VWA3B: variants seen among roughly 807,000 people sequenced by gnomAD.
VWA3B encodes von Willebrand factor A domain-containing protein 3B.
Under a neutral mutation model 158.3 loss-of-function variants are expected in VWA3B, and 138 were observed. The ratio of observed to expected loss-of-function variants is 0.87; its 90% CI spans 0.76 to 1.00. The LOEUF (loss-of-function observed/expected upper bound fraction) is 1.00. Ranked by LOEUF, VWA3B falls within the 50% of genes least tolerant of loss-of-function variation. The probability of loss-of-function intolerance (pLI) is 0.00; values close to 1 mark genes in which losing one functional copy is unlikely to be tolerated. For missense variants in VWA3B, 1,555 were observed against 1,565.1 expected (o/e 0.99, Z 0.11); for synonymous variants, 596 against 587.3 (o/e 1.01, Z -0.21).
rs1682473343 is a variant in VWA3B, at chr2:98,093,201, G to C, written c.109G>C (p.Glu37Gln). The change falls in exon 2 of 28, where the codon GAG (glutamate) becomes CAG (glutamine). Residue 37 changes from glutamate to glutamine, a missense_variant. Coordinates refer to ENST00000477737, the MANE Select transcript of VWA3B (RefSeq NM_144992.5). ...GGCTGAGCAGAGTCTCATTTCATCT[G>C]AGAAATGGCTTCAACTGCATGGGCT... ...DLAEQSLISS[E>Q]KWLQLHGLKS... is the part of the protein sequence containing the mutation. 6.2e-7 allele frequency: 1 copy of C among 1,614,004 alleles called. No individual in the cohort carries two copies. Among genetic ancestry groups the C allele is most frequent in the African/African-American group, 1.3e-5 (1 of 74,906 alleles).
chr2:98,091,126 G>A lies in VWA3B; in HGVS notation c.-32-1935G>A, dbSNP rs1357148266. On this transcript the variant is annotated intron_variant, in intron 1 of 27. Coordinates refer to ENST00000477737, the MANE Select transcript of VWA3B (RefSeq NM_144992.5). ...CTCTGAGAATAAAGATTAGCGTTCC[G>A]GATGAGGACCTAGGGCCCTACTAGA... 3.3e-5 allele frequency among the ~76,000 whole-genome samples: 5 copies of A among 152,110 alleles called. 1 individual carries two copies. The highest frequency in any genetic ancestry group is 2.6e-4 in the Admixed American group (4 of 15,270).
chr2:98,215,415 C>T (rs1220588994), intron 13 of VWA3B, among the ~76,000 whole-genome samples: 2 of 148,858 alleles, frequency 1.3e-5, no homozygotes, highest in African/African-American at 5.0e-5. Context: ...CACTCTAGCC[C>T]GGGCGACAGA....
intron 21 of VWA3B, among the ~76,000 whole-genome samples, chr2:98,256,528 T>A (rs1687154078): frequency 6.6e-6 from 1 of 152,178 alleles, no homozygotes; most frequent in Non-Finnish European, 1.5e-5. Flanking sequence ...GTTTTTAAGG[T>A]TCACCCAGGT....
intron 2 of VWA3B, among the ~76,000 whole-genome samples, chr2:98,113,500 T>C (rs2104924660): frequency 6.6e-6 from 1 of 152,336 alleles, no homozygotes; most frequent in South Asian, 2.1e-4. Flanking sequence ...GGTTCAACTG[T>C]ATAATCCTTC....
chr2:98,220,773 T>A (rs1364361647), intron 14 of VWA3B, among the ~76,000 whole-genome samples: 1 of 152,148 alleles, frequency 6.6e-6, no homozygotes, highest in Non-Finnish European at 1.5e-5. Context: ...ATATACACCA[T>A]GGAATACTAT....
chr2:98,225,559 C>T (rs1333041081), intron 14 of VWA3B, among the ~76,000 whole-genome samples: 5 of 152,036 alleles, frequency 3.3e-5, no homozygotes, highest in African/African-American at 4.8e-5. Context: ...CTATTCTCAC[C>T]GCTGTGATTC....
chr2:98,106,515 A>G (rs1351209936), intron 2 of VWA3B, among the ~76,000 whole-genome samples: 6 of 152,190 alleles, frequency 3.9e-5, no homozygotes, highest in African/African-American at 1.4e-4. Context: ...GTTTCAGTTC[A>G]CGAATATGAA....
At chr2:98,087,427 G>A (rs766026167) in intron 1 of VWA3B, 64 bp downstream of exon 1, 7 of 152,290 alleles carry the variant, frequency 4.6e-5, no homozygotes, top group Admixed American at 1.3e-4. Context: ...CCAACAAGCG[G>A]CCTAGGGAGG....
chr2:98,108,900 C>T (rs1365398955), intron 2 of VWA3B, among the ~76,000 whole-genome samples: 1 of 150,998 alleles, frequency 6.6e-6, no homozygotes, highest in Non-Finnish European at 1.5e-5. Context: ...TTCTTTTTCT[C>T]TGTTTTTGGC....
In VWA3B at chr2:98,211,984, G is replaced by A; in HGVS notation, c.1792G>A (p.Glu598Lys). ...SALKTAFADK[E>K]TQAIYLLTDG... ...CCTGAAAACTGCTTTTGCTGATAAA[G>A]AAACACAGGCAATCTACCTTCTGAC... is the stretch of plus-strand genomic sequence containing the variant. The change falls in exon 13 of 28, where the codon GAA becomes AAA. Residue 598 changes from glutamate (E) to lysine (K), a missense_variant. Transcript: ENST00000477737. 6.2e-7 allele frequency: 1 copy of A among 1,614,100 alleles called. No homozygotes were observed. The highest frequency in any genetic ancestry group is 1.3e-5 in the African/African-American group (1 of 75,022).
At chr2:98,268,944 T>G (rs1397270840) in intron 21 of VWA3B, among the ~76,000 whole-genome samples, 1 of 152,126 alleles carries the variant, frequency 6.6e-6, no homozygotes, top group Non-Finnish European at 1.5e-5. Context: ...TCACTTTAAT[T>G]TCTATGTTAC....
At chr2:98,192,845 C>T in intron 10 of VWA3B, 53 bp from the exon 11 acceptor site, 3 of 1,613,090 alleles carry the variant, frequency 1.9e-6, no homozygotes, top group South Asian at 2.2e-5. Context: ...TGGGAAGATG[C>T]TCTTGTTGCC....
At chr2:98,093,002 G>GT in intron 1 of VWA3B, 59 bp from the exon 2 acceptor site, 1 of 1,252,390 alleles carries the variant, frequency 8.0e-7, no homozygotes, top group East Asian at 2.5e-5. Flanking sequence ...CCAGTCCCCT[G>GT]TTGACGTTAG....
At chr2:98,164,006 C>G (rs186373017) in intron 8 of VWA3B, among the ~76,000 whole-genome samples, 2 of 152,256 alleles carry the variant, frequency 1.3e-5, no homozygotes, top group South Asian at 4.1e-4. Flanking sequence ...GTCGAGTTGC[C>G]GGTGCTCTTC....
chr2:98,157,247 A>G (rs187349016), intron 7 of VWA3B, among the ~76,000 whole-genome samples: 7 of 152,306 alleles, frequency 4.6e-5, no homozygotes, highest in East Asian at 3.9e-4. Context: ...CATTGCCCCA[A>G]TAAAACATTA....
chr2:98,323,771 A>C, the VWA3B span, among the ~76,000 whole-genome samples: 1 of 152,232 alleles, frequency 6.6e-6, no homozygotes, highest in African/African-American at 2.4e-5. Flanking sequence ...GGAATGGCAT[A>C]GTGCAAAAAG....
chr2:98,279,720 A>G (rs573717736), intron 22 of VWA3B, among the ~76,000 whole-genome samples: 14 of 152,312 alleles, frequency 9.2e-5, no homozygotes, highest in African/African-American at 3.4e-4. Flanking sequence ...GGAGCCCTAG[A>G]GAGAAAGAGC....
rs184730651 is a variant in VWA3B, at chr2:98,207,270, T to A, written c.1738-4660T>A. 2.8e-5 allele frequency: 14 copies of A among 503,184 alleles called. No homozygotes were observed. The East Asian group carries it at 6.8e-4, about 25-fold the overall frequency. The allele number at this position is 503,184 out of a possible 1,614,324, so 31.2% of individuals were successfully genotyped here. On this transcript the variant is annotated intron_variant, in intron 12 of 27. Coordinates refer to ENST00000477737, the MANE Select transcript of VWA3B (RefSeq NM_144992.5). ...CGACTGCCTCTGCTACTTCCTTTGC[T>A]CATTTGGATGCCACCACTGTGCTGC...
At chr2:98,271,962 T>G (rs1688226779) in intron 22 of VWA3B, among the ~76,000 whole-genome samples, 1 of 152,168 alleles carries the variant, frequency 6.6e-6, no homozygotes, top group Non-Finnish European at 1.5e-5. Context: ...GAAAAACAGT[T>G]CTCTCAACCG....
Sources: gnomAD v4.1 joint callset for allele counts (sites outside exome capture counted in the v4.1 genomes callset) on GRCh38, gnomAD v4.1.1 for gene constraint, MANE v1.5 for transcripts, NCBI Gene and HGNC (gene_info 2026-07-23, HGNC 2026-07-21) for gene names.